The following EXOC4 variants were observed in gnomAD, a reference collection of about 807,000 sequenced individuals.
EXOC4 encodes SEC8-like 1.
EXOC4 carries 71 observed loss-of-function variants against 107.2 expected under a neutral mutation model. The ratio of observed to expected loss-of-function variants is 0.66; its 90% CI spans 0.55 to 0.81. The LOEUF (loss-of-function observed/expected upper bound fraction) is 0.81. EXOC4 is among the 30% of genes least tolerant of loss of function. EXOC4 has a pLI of 0.00. For synonymous variants in EXOC4, 456 were observed against 441.2 expected (o/e 1.03, Z -0.42); for missense variants, 1,108 against 1,189.6 (o/e 0.93, Z 1.01).
At chr7:133,588,962 A>ATGTGTG (rs765807599) in intron 9 of EXOC4, among the ~76,000 whole-genome samples, 2 of 151,036 alleles carry the variant, frequency 1.3e-5, no homozygotes, top group Non-Finnish European at 3.0e-5. Flanking sequence ...GTGTGCACAT[A>ATGTGTG]TGTGTGTGTG....
At position 133,918,082 on chromosome 7, in the gene EXOC4, A is replaced by G. The variant is rs950426962; in HGVS notation, c.2027+344A>G. On this transcript the variant is annotated intron_variant, in intron 13 of 17. Coordinates refer to ENST00000253861, the MANE Select transcript of EXOC4 (RefSeq NM_021807.4). ...ACTGCAAACTCCACCTCCTGGGTTCACGCCATTCTCCTGCCTCAGCCTCCC... is the reference window on the plus strand; with the variant it reads ...ACTGCAAACTCCACCTCCTGGGTTCGCGCCATTCTCCTGCCTCAGCCTCCC... Among the ~76,000 whole-genome samples, 4 of 151,034 alleles carry G rather than the reference A, an allele frequency of 2.6e-5. No individual in the cohort carries two copies. In the East Asian group the frequency reaches 5.9e-4, roughly 22 times the overall value.
chr7:133,928,177 TAATG>T (rs1800093661), intron 13 of EXOC4, among the ~76,000 whole-genome samples: 1 of 152,316 alleles, frequency 6.6e-6, no homozygotes, highest in Admixed American at 6.5e-5. Flanking sequence ...ATTTGAGGCT[TAATG>T]AAAGAAAAAA....
intron 1 of EXOC4, among the ~76,000 whole-genome samples, chr7:133,257,372 A>ACG (rs900542618): frequency 1.3e-5 from 2 of 151,946 alleles, no homozygotes; most frequent in African/African-American, 4.8e-5. Flanking sequence ...ACACGCACAC[A>ACG]CACACACACA....
At chr7:133,888,542 A>C (rs1799136050) in intron 11 of EXOC4, among the ~76,000 whole-genome samples, 1 of 152,182 alleles carries the variant, frequency 6.6e-6, no homozygotes, top group Non-Finnish European at 1.5e-5. Context: ...AAAATTTAGA[A>C]TTTGTTGACT....
chr7:133,775,698 T>C (rs1796330987), intron 10 of EXOC4, among the ~76,000 whole-genome samples: 1 of 152,152 alleles, frequency 6.6e-6, no homozygotes, highest in Non-Finnish European at 1.5e-5. Flanking sequence ...TTTTTCCCTA[T>C]CCATGTCTCC....
chr7:134,014,918 T>C (rs1794867157), intron 17 of EXOC4, among the ~76,000 whole-genome samples: 2 of 152,240 alleles, frequency 1.3e-5, no homozygotes, highest in Non-Finnish European at 2.9e-5. Flanking sequence ...ATTTGGCTCA[T>C]TTTTTAGTTT....
At chr7:134,088,026 A>G in the EXOC4 span, among the ~76,000 whole-genome samples, 555 of 152,288 alleles carry the variant, frequency 3.6e-3, 4 homozygotes, top group African/African-American at 0.013. Flanking sequence ...AAATACCTAT[A>G]AGTTGAATAA....
intron 7 of EXOC4, among the ~76,000 whole-genome samples, chr7:133,459,434 G>A (rs1798537731): frequency 6.6e-6 from 1 of 152,172 alleles, no homozygotes; most frequent in Admixed American, 6.5e-5. Context: ...CTTTTTGAGA[G>A]TTAAAATTAA....
intron 9 of EXOC4, among the ~76,000 whole-genome samples, chr7:133,569,841 C>T (rs1176674699): frequency 2.6e-5 from 4 of 152,152 alleles, no homozygotes; most frequent in Admixed American, 2.6e-4. Flanking sequence ...TGTGTGGCTT[C>T]TGCTAGAGAT....
At chr7:133,686,982 G>T (rs899925887) in intron 10 of EXOC4, among the ~76,000 whole-genome samples, 8 of 147,592 alleles carry the variant, frequency 5.4e-5, no homozygotes, top group African/African-American at 2.0e-4. Context: ...TCAATGAGGG[G>T]ATAAAGAATT....
chr7:133,253,615 C>A, intron 1 of EXOC4: 1 of 651,938 alleles, frequency 1.5e-6, no homozygotes, highest in Non-Finnish European at 1.9e-6. Flanking sequence ...ATTCCTGTCA[C>A]GAGTTGCAGA....
At chr7:133,888,510 C>T (rs1799135527) in intron 11 of EXOC4, among the ~76,000 whole-genome samples, 1 of 152,178 alleles carries the variant, frequency 6.6e-6, no homozygotes, top group Admixed American at 6.5e-5. Flanking sequence ...ATGGTTTAAA[C>T]AACTCAGTCT....
At chr7:133,628,403 A>G (rs1802507935) in intron 9 of EXOC4, among the ~76,000 whole-genome samples, 1 of 152,188 alleles carries the variant, frequency 6.6e-6, no homozygotes, top group African/African-American at 2.4e-5. Flanking sequence ...CCACTGAACT[A>G]TCTTCAGGCA....
At chr7:133,820,582 T>C (rs1403181837) in intron 11 of EXOC4, among the ~76,000 whole-genome samples, 1 of 152,236 alleles carries the variant, frequency 6.6e-6, no homozygotes, top group Non-Finnish European at 1.5e-5. Flanking sequence ...TGGAGAAATA[T>C]GTGTGTGCGT....
chr7:133,958,074 T>C lies in EXOC4; in HGVS notation c.2206+20005T>C, dbSNP rs1250479560. On this transcript the variant is annotated intron_variant, in intron 14 of 17. Transcript: ENST00000253861. The stretch of plus-strand genomic sequence containing the variant: ...ATGTTGACAGGGCCAGTATCAGTAA[T>C]GAAATTAGTTCAGGGCATAACTCCT... Among the ~76,000 whole-genome samples, 4 of 152,198 alleles carry C rather than the reference T, an allele frequency of 2.6e-5. No individual in the cohort carries two copies. In the East Asian group the frequency reaches 7.7e-4, roughly 29 times the overall value.
chr7:133,321,803 T>A (rs942906379), intron 5 of EXOC4, among the ~76,000 whole-genome samples: 1 of 152,198 alleles, frequency 6.6e-6, no homozygotes, highest in African/African-American at 2.4e-5. Context: ...TGCCACACTG[T>A]CTTCCACAAT....
In EXOC4 at chr7:134,064,467, T is replaced by G. The variant is rs369505087; in HGVS notation, c.2864T>G (p.Ile955Ser). ...QNTRLQRLKE[I>S]ICEQAAIKQA... ...ACGAGGCTGCAGAGGCTCAAAGAGA[T>G]CATCTGCGAGCAGGCTGCCATCAAG... Residue 955 changes from isoleucine (I) to serine (S), a missense_variant, in exon 18 of 18, where the codon ATC becomes AGC. Transcript: ENST00000253861. The G allele has an allele frequency of 7.5e-6, 12 of 1,606,382 alleles. No individual in the cohort carries two copies. The highest frequency in any genetic ancestry group is 1.7e-4 in the Middle Eastern group (1 of 6,058).
intron 10 of EXOC4, among the ~76,000 whole-genome samples, chr7:133,807,038 C>A (rs1004265508): frequency 1.3e-5 from 2 of 151,986 alleles, no homozygotes; most frequent in African/African-American, 4.8e-5. Context: ...AAATGCAGAT[C>A]GAAAATACAG....
chr7:133,788,681 C>T (rs1167401509), intron 10 of EXOC4, among the ~76,000 whole-genome samples: 6 of 152,106 alleles, frequency 3.9e-5, no homozygotes, highest in Non-Finnish European at 7.3e-5. Context: ...TTAGTAGAAA[C>T]GGGTTTTCAC....
Sources: gnomAD v4.1 joint callset for allele counts (sites outside exome capture counted in the v4.1 genomes callset) on GRCh38, gnomAD v4.1.1 for gene constraint, MANE v1.5 for transcripts, NCBI Gene and HGNC (gene_info 2026-07-23, HGNC 2026-07-21) for gene names.